The following PLPPR1 variants were observed in gnomAD, a reference collection of about 807,000 sequenced individuals.
PLPPR1 encodes the protein phospholipid phosphatase related 1, also known as phospholipid phosphatase-related protein type 1.
PLPPR1 carries 10 observed loss-of-function variants against 33.1 expected under a neutral mutation model. The ratio of observed to expected loss-of-function variants is 0.30; its 90% confidence interval spans 0.19 to 0.51. The LOEUF is 0.51. PLPPR1 is among the 20% of genes least tolerant of loss of function. PLPPR1 has a pLI of 0.97. For missense variants in PLPPR1, 304 were observed against 408.1 expected (o/e 0.74, Z 2.20); for synonymous variants, 151 against 151.0 (o/e 1.00, Z 0.00).
At chr9:101,305,204 A>AGTGT (rs35405804) in intron 4 of PLPPR1, among the ~76,000 whole-genome samples, 3 of 150,046 alleles carry the variant, frequency 2.0e-5, no homozygotes, top group Non-Finnish European at 4.4e-5. Context: ...ATGAGGTAAA[A>AGTGT]GTGTGTGTGT....
intron 2 of PLPPR1, among the ~76,000 whole-genome samples, chr9:101,220,654 A>G (rs1194192461): frequency 1.3e-5 from 2 of 152,132 alleles, no homozygotes; most frequent in African/African-American, 2.4e-5. Context: ...AGTTCATGTC[A>G]TACAGCTTCA....
At chr9:101,237,679 C>CAT (rs1294525029) in intron 2 of PLPPR1, among the ~76,000 whole-genome samples, 2 of 130,090 alleles carry the variant, frequency 1.5e-5, no homozygotes, top group South Asian at 2.4e-4. Context: ...CATATATATA[C>CAT]ATATATATAT....
In PLPPR1 at chr9:101,316,549, G is replaced by A. The variant is rs376779573; in HGVS notation, c.814-816G>A. Reference sequence around the variant, plus strand: ...GTTTGAAGAGTAGCAGGAAAGATTCGAACATGCTGGATGAAGAAACAAAGA... The same window carrying A: ...GTTTGAAGAGTAGCAGGAAAGATTCAAACATGCTGGATGAAGAAACAAAGA... On this transcript the variant is annotated intron_variant, in intron 6 of 7. Coordinates refer to ENST00000374874, the MANE Select transcript of PLPPR1 (RefSeq NM_207299.2). Among the ~76,000 whole-genome samples the A allele has an allele frequency of 5.8e-4, 85 of 147,112 alleles. No homozygotes were observed. The South Asian group carries it at 5.9e-3, about 10-fold the overall frequency.
intron 1 of PLPPR1, among the ~76,000 whole-genome samples, chr9:101,179,133 G>C (rs1826061718): frequency 6.6e-6 from 1 of 152,176 alleles, no homozygotes; most frequent in Non-Finnish European, 1.5e-5. Context: ...GTAAGGAAGA[G>C]TATGCATGGA....
intron 1 of PLPPR1, among the ~76,000 whole-genome samples, chr9:101,046,738 C>T (rs1488742775): frequency 2.6e-5 from 4 of 152,096 alleles, no homozygotes; most frequent in Admixed American, 6.5e-5. Flanking sequence ...CCACTGCACC[C>T]GGGCTACCTC....
At chr9:101,059,433 C>T (rs1395798565) in intron 1 of PLPPR1, among the ~76,000 whole-genome samples, 2 of 152,010 alleles carry the variant, frequency 1.3e-5, no homozygotes, top group Non-Finnish European at 2.9e-5. Context: ...TCACCAGCCA[C>T]CTGTCTGTAA....
In PLPPR1 at chr9:101,153,747, T is replaced by TTG. The variant is rs1181652584; in HGVS notation, c.-45-31701_-45-31700dup. 2.7e-5 allele frequency among the ~76,000 whole-genome samples: 3 copies of TTG among 110,342 alleles called. No homozygotes were observed. The East Asian group carries it at 6.2e-4, about 23-fold the overall frequency. The allele number at this position is 110,342 out of a possible 152,430, so 72.4% of individuals were successfully genotyped here. On this transcript the variant is annotated intron_variant, in intron 1 of 7. Transcript: ENST00000374874. ...CTGCCACCATGCCTGGCTATTTTTT[T>TTG]TGTATTTTTTTTTTTTTAGTAGAGA...
chr9:101,295,703 AG>A (rs879286298), intron 4 of PLPPR1, among the ~76,000 whole-genome samples: 76 of 152,198 alleles, frequency 5.0e-4, no homozygotes, highest in Non-Finnish European at 7.9e-4. Flanking sequence ...CAATGGGGAA[AG>A]GAATCCCTAT....
chr9:101,055,470 G>C (rs773782177), intron 1 of PLPPR1, among the ~76,000 whole-genome samples: 3 of 152,228 alleles, frequency 2.0e-5, no homozygotes, highest in Non-Finnish European at 4.4e-5. Context: ...TCAAAAGATC[G>C]GTTAATCAAT....
Position 101,290,179 on chromosome 9 carries a change from G to A in PLPPR1, c.385+3943G>A, listed in dbSNP as rs189109336. Among the ~76,000 whole-genome samples the A allele has an allele frequency of 2.5e-3, 376 of 152,258 alleles. 4 individuals carry two copies. Among genetic ancestry groups the A allele is most frequent in the East Asian group, 3.3e-3 (17 of 5,188 alleles). On this transcript the variant is annotated intron_variant, in intron 4 of 7. Coordinates refer to ENST00000374874, the MANE Select transcript of PLPPR1 (RefSeq NM_207299.2). Reference sequence around the variant, plus strand: ...GAAAAAATTAGAGTAAAATAAGGGAGTAATCAAAATATATTAGAAAAACTT... The same window carrying A: ...GAAAAAATTAGAGTAAAATAAGGGAATAATCAAAATATATTAGAAAAACTT...
intron 2 of PLPPR1, among the ~76,000 whole-genome samples, chr9:101,206,608 T>TA (rs1451995812): frequency 6.6e-6 from 1 of 152,122 alleles, no homozygotes; most frequent in Non-Finnish European, 1.5e-5. Flanking sequence ...AGGATTGGTT[T>TA]AAACTTGGCT....
chr9:101,174,965 CGA>C (rs1429095461), intron 1 of PLPPR1, among the ~76,000 whole-genome samples: 1 of 152,098 alleles, frequency 6.6e-6, no homozygotes, highest in African/African-American at 2.4e-5. Context: ...ATTCTAATTA[CGA>C]GAGTTTGTGC....
intron 2 of PLPPR1, among the ~76,000 whole-genome samples, chr9:101,191,949 GC>G (rs1285044413): frequency 6.6e-6 from 1 of 152,090 alleles, no homozygotes; most frequent in Non-Finnish European, 1.5e-5. Context: ...AATTTTTATT[GC>G]CTATTTTTGA....
intron 4 of PLPPR1, among the ~76,000 whole-genome samples, chr9:101,296,468 T>G (rs1314838578): frequency 2.0e-5 from 3 of 151,762 alleles, no homozygotes; most frequent in Admixed American, 6.6e-5. Context: ...CAAAGGACTA[T>G]AAATCATGCT....
At chr9:101,319,615 A>G (rs1255065266) in intron 7 of PLPPR1, among the ~76,000 whole-genome samples, 11 of 152,236 alleles carry the variant, frequency 7.2e-5, no homozygotes, top group African/African-American at 2.4e-5. Context: ...GAAATAAAAT[A>G]TTAACAAAAA....
intron 5 of PLPPR1, among the ~76,000 whole-genome samples, chr9:101,310,858 C>T (rs2118956641): frequency 6.6e-6 from 1 of 152,286 alleles, no homozygotes; most frequent in Non-Finnish European, 1.5e-5. Flanking sequence ...GCTGTCCCCA[C>T]ATTAAAGAAA....
Position 101,077,391 on chromosome 9 carries a change from T to C in PLPPR1, c.-46+48289T>C, listed in dbSNP as rs111597226. On this transcript the variant is annotated intron_variant, in intron 1 of 7. Transcript: ENST00000374874. ...ACCATTTGTGTATTACTTGAAACTT[T>C]GCTGCCTTTGTTTTCTTTGTTTTCT... Among the ~76,000 whole-genome samples, 234 of 152,380 alleles carry C rather than the reference T, an allele frequency of 1.5e-3. 2 individuals are homozygous for C. Among genetic ancestry groups the C allele is most frequent in the African/African-American group, 5.4e-3 (225 of 41,594 alleles).
At chr9:101,297,882 A>G (rs1249462026) in intron 4 of PLPPR1, among the ~76,000 whole-genome samples, 1 of 152,210 alleles carries the variant, frequency 6.6e-6, no homozygotes, top group African/African-American at 2.4e-5. Context: ...CAAGAGAGTT[A>G]AACACCCACC....
At chr9:101,048,882 C>T (rs1327580397) in intron 1 of PLPPR1, among the ~76,000 whole-genome samples, 1 of 152,022 alleles carries the variant, frequency 6.6e-6, no homozygotes, top group African/African-American at 2.4e-5. Flanking sequence ...ACATACTCTC[C>T]AAGAACATTA....
Sources: allele counts gnomAD v4.1 joint callset (sites outside exome capture counted in the v4.1 genomes callset), GRCh38; gene constraint gnomAD v4.1.1; transcripts MANE v1.5; gene names NCBI Gene and HGNC (gene_info 2026-07-23, HGNC 2026-07-21).